The following TSHZ3 variants were observed in gnomAD, a reference collection of about 807,000 sequenced individuals.
The protein encoded by TSHZ3 is teashirt homolog 3.
In TSHZ3, 10 loss-of-function variants were observed where a neutral mutation model predicts 64.5. That is an observed-to-expected ratio of 0.16 (90% CI 0.10 to 0.26). The LOEUF (loss-of-function observed/expected upper bound fraction) is 0.26. Ranked by LOEUF, TSHZ3 falls within the 10% of genes least tolerant of loss-of-function variation. The pLI is 1.00. For missense variants in TSHZ3, 1,242 were observed against 1,421.7 expected, an observed-to-expected ratio of 0.87 and a Z score of 2.03; for synonymous variants, 608 against 593.1, an observed-to-expected ratio of 1.03 and a Z score of -0.36.
chr19:31,255,265 A>G (rs756366699), intron 1 of TSHZ3, among the ~76,000 whole-genome samples: 1 of 152,096 alleles, frequency 6.6e-6, no homozygotes, highest in Non-Finnish European at 1.5e-5. Context: ...AGGGGCAGTG[A>G]GGACGGGCTC....
intron 1 of TSHZ3, among the ~76,000 whole-genome samples, chr19:31,295,178 A>G (rs531928460): frequency 1.6e-4 from 25 of 152,342 alleles, no homozygotes; most frequent in Non-Finnish European, 3.1e-4. Flanking sequence ...TACCAGTGTC[A>G]GAGAAGATAC....
At chr19:31,314,857 C>T (rs1050070363) in intron 1 of TSHZ3, among the ~76,000 whole-genome samples, 1 of 152,190 alleles carries the variant, frequency 6.6e-6, no homozygotes, top group East Asian at 1.9e-4. Flanking sequence ...CAGGGGAAGG[C>T]TCAGCTCATG....
intron 5 of TSHZ3, among the ~76,000 whole-genome samples, chr19:31,157,346 T>C (rs1179817929): frequency 6.6e-6 from 1 of 152,200 alleles, no homozygotes; most frequent in African/African-American, 2.4e-5. Flanking sequence ...AAATCTTGTC[T>C]GTCTCCTGTG....
chr19:31,306,949 A>G (rs546951410), intron 1 of TSHZ3, among the ~76,000 whole-genome samples: 1 of 152,254 alleles, frequency 6.6e-6, no homozygotes, highest in Admixed American at 6.5e-5. Flanking sequence ...GAAGATTTAG[A>G]GTTCTCTCCT....
At chr19:31,244,199 G>C (rs1027580286) in intron 1 of TSHZ3, among the ~76,000 whole-genome samples, 1 of 152,160 alleles carries the variant, frequency 6.6e-6, no homozygotes, top group Non-Finnish European at 1.5e-5. Context: ...GGTGGGAGGT[G>C]ATTGGATCTT....
intron 1 of TSHZ3, among the ~76,000 whole-genome samples, chr19:31,248,342 A>T (rs1369818767): frequency 6.6e-6 from 1 of 152,244 alleles, no homozygotes; most frequent in African/African-American, 2.4e-5. Context: ...GAATTCTCGC[A>T]ACTTTTCTGT....
chr19:31,323,923 A>G (rs2145171242), intron 1 of TSHZ3, among the ~76,000 whole-genome samples: 1 of 130,058 alleles, frequency 7.7e-6, no homozygotes, highest in Non-Finnish European at 1.8e-5. Flanking sequence ...CACACAGTGC[A>G]TTGCAGGATA....
chr19:31,271,452 G>A (rs893868791), downstream of TSHZ3, among the ~76,000 whole-genome samples: 27 of 152,130 alleles, frequency 1.8e-4, no homozygotes, highest in Non-Finnish European at 2.8e-4. Context: ...TCCAGCCCTC[G>A]GCTGCAACAA....
intron 1 of TSHZ3, among the ~76,000 whole-genome samples, chr19:31,282,975 G>A (rs1976391194): frequency 6.6e-6 from 1 of 152,188 alleles, no homozygotes; most frequent in African/African-American, 2.4e-5. Context: ...CGATCTGAAG[G>A]TGAGAAGTAT....
intron 4 of TSHZ3, among the ~76,000 whole-genome samples, chr19:31,224,717 G>C (rs988556953): frequency 3.9e-5 from 6 of 152,150 alleles, no homozygotes; most frequent in African/African-American, 1.4e-4. Context: ...GTGTACCAAA[G>C]AGAAATCCTT....
At chr19:31,214,832 C>T (rs1975305689) in intron 4 of TSHZ3, among the ~76,000 whole-genome samples, 2 of 146,626 alleles carry the variant, frequency 1.4e-5, no homozygotes, top group South Asian at 4.6e-4. Flanking sequence ...GGCGTGAACC[C>T]GGGAGGCGGA....
chr19:31,224,401 TAA>T (rs1022880727), intron 4 of TSHZ3, among the ~76,000 whole-genome samples: 6 of 152,228 alleles, frequency 3.9e-5, no homozygotes, highest in Non-Finnish European at 7.3e-5. Flanking sequence ...CTCTCTGTGC[TAA>T]GATATCTGTA....
At chr19:31,291,508 T>C (rs547042714) in intron 1 of TSHZ3, among the ~76,000 whole-genome samples, 3 of 152,186 alleles carry the variant, frequency 2.0e-5, no homozygotes. Flanking sequence ...GTCTCTACAA[T>C]GACTCTCTTC....
intron 5 of TSHZ3, among the ~76,000 whole-genome samples, chr19:31,186,304 C>T (rs1974808969): frequency 6.6e-6 from 1 of 152,120 alleles, no homozygotes; most frequent in Admixed American, 6.6e-5. Flanking sequence ...CCCATAATCC[C>T]CATGTGTCAC....
intron 6 of TSHZ3, among the ~76,000 whole-genome samples, chr19:31,155,499 C>T (rs1197913552): frequency 2.0e-5 from 3 of 152,182 alleles, no homozygotes; most frequent in East Asian, 1.9e-4. Flanking sequence ...CATATCTTTC[C>T]GCAGCCTGGG....
In TSHZ3 at chr19:31,278,123, G is replaced by T; in HGVS notation, c.1670C>A (p.Pro557His). 1 of 1,614,166 alleles carries T rather than the reference G, an allele frequency of 6.2e-7. No homozygotes were observed. The highest frequency in any genetic ancestry group is 1.1e-5 in the South Asian group (1 of 91,072). ...YPSIHAAYQL[P>H]NMMKLSLGSS... ...GCCCAGGGACAACTTCATCATGTTG[G>T]GAAGTTGGTAGGCGGCATGGATGCT... Residue 557 changes from proline to histidine, a missense_variant, in exon 2 of 2, where the codon CCC (proline) becomes CAC (histidine). Physicochemically the swap from Pro to His is moderately conservative, Grantham distance 77. Coordinates refer to ENST00000240587, the MANE Select transcript of TSHZ3 (RefSeq NM_020856.4). The surrounding 1 kb of genome is among the most constrained non-coding windows in gnomAD (Gnocchi z 4.7).
At chr19:31,157,992 C>G (rs1426574058) in intron 5 of TSHZ3, among the ~76,000 whole-genome samples, 1 of 152,216 alleles carries the variant, frequency 6.6e-6, no homozygotes, top group African/African-American at 2.4e-5. Flanking sequence ...GCAGACAACT[C>G]TGACCTGAGG....
chr19:31,262,990 G>A (rs1207342936), intron 1 of TSHZ3, among the ~76,000 whole-genome samples: 2 of 152,228 alleles, frequency 1.3e-5, no homozygotes. Context: ...AGAAAACCCA[G>A]ATGAAATTAA....
rs181134845 is a variant in TSHZ3 at position 31,324,849 on chromosome 19, G to T, written c.40+24331C>A. Among the ~76,000 whole-genome samples the T allele has an allele frequency of 2.0e-5, 3 of 151,860 alleles. No homozygotes were observed. In the East Asian group the frequency reaches 5.8e-4, roughly 29 times the overall value. ...ATTTTTTTTTTATTTTTTCAATTCC[G>T]TAAGTGGAAAGTGAAGAAACCATTT... On this transcript the variant is annotated intron_variant, in intron 1 of 1. Coordinates refer to ENST00000240587, the MANE Select transcript of TSHZ3 (RefSeq NM_020856.4).
Sources: allele counts gnomAD v4.1 joint callset (sites outside exome capture counted in the v4.1 genomes callset), GRCh38; gene constraint gnomAD v4.1.1; non-coding constraint Gnocchi (gnomAD v3.1); transcripts MANE v1.5; gene names NCBI Gene and HGNC (gene_info 2026-07-23, HGNC 2026-07-21).